Variants in EEPD1 observed in about 807,000 individuals in gnomAD.
EEPD1 encodes endonuclease/exonuclease/phosphatase family domain-containing protein 1.
Under a neutral mutation model 46.3 loss-of-function variants are expected in EEPD1, and 17 were observed. That is an observed-to-expected ratio of 0.37 (90% CI 0.25 to 0.55). The LOEUF (loss-of-function observed/expected upper bound fraction) is 0.55. Ranked by LOEUF, EEPD1 falls within the 20% of genes least tolerant of loss-of-function variation. The pLI is 0.83. For missense variants in EEPD1, 673 were observed against 745.6 expected (o/e 0.90, Z 1.13); for synonymous variants, 313 against 315.6 (o/e 0.99, Z 0.09).
chr7:36,242,712 C>T lies in EEPD1; in HGVS notation c.930+3676C>T, dbSNP rs569000230. 6.3e-5 allele frequency among the ~76,000 whole-genome samples: 9 copies of T among 143,846 alleles called. No homozygotes were observed. In the South Asian group the frequency reaches 9.1e-4, roughly 14 times the overall value. The allele number at this position is 143,846 out of a possible 152,430, so 94.4% of individuals were successfully genotyped here. ...CCAAGGTGGGTGGATCACCTGAGGT[C>T]GGGAGTTCGAGACCAGTCTGACCAA... is the stretch of plus-strand genomic sequence containing the variant. On this transcript the variant is annotated intron_variant, in intron 3 of 7. Coordinates refer to ENST00000242108, the MANE Select transcript of EEPD1 (RefSeq NM_030636.3).
chr7:36,293,745 C>T (rs145628362), intron 6 of EEPD1, among the ~76,000 whole-genome samples: 9,335 of 152,220 alleles, frequency 0.061, 509 homozygotes, highest in East Asian at 0.19. Flanking sequence ...GGACAGATCA[C>T]CTGAGGTCAG....
intron 2 of EEPD1, among the ~76,000 whole-genome samples, chr7:36,195,871 G>A (rs1785572500): frequency 6.6e-6 from 1 of 152,092 alleles, no homozygotes. Context: ...AATATATGTA[G>A]TCATGCCTTA....
At chr7:36,205,670 C>CGG in intron 2 of EEPD1, among the ~76,000 whole-genome samples, 1 of 152,188 alleles carries the variant, frequency 6.6e-6, no homozygotes, top group Admixed American at 6.5e-5. Context: ...TTTTTCCCCA[C>CGG]GTGAAATGGC....
chr7:36,186,129 C>T (rs986356581), intron 2 of EEPD1, among the ~76,000 whole-genome samples: 3 of 152,182 alleles, frequency 2.0e-5, no homozygotes, highest in African/African-American at 7.2e-5. Flanking sequence ...TGCATTCCCC[C>T]GGATCCAGAA....
At chr7:36,183,899 A>C (rs1360732586) in intron 2 of EEPD1, among the ~76,000 whole-genome samples, 1 of 123,072 alleles carries the variant, frequency 8.1e-6, no homozygotes, top group Non-Finnish European at 2.0e-5. Context: ...ATTTTTAAAA[A>C]AATGTGTGTT....
intron 2 of EEPD1, among the ~76,000 whole-genome samples, chr7:36,219,883 C>T (rs1786115010): frequency 7.1e-6 from 1 of 141,016 alleles, no homozygotes; most frequent in African/African-American, 2.6e-5. Flanking sequence ...ATATATAAAA[C>T]ATGAAAGATT....
intron 6 of EEPD1, among the ~76,000 whole-genome samples, chr7:36,292,369 CT>C (rs1407508634): frequency 7.4e-6 from 1 of 135,338 alleles, no homozygotes. Context: ...CTTTTCTTTT[CT>C]TTTGTTTTGT....
rs1308481216 is a variant in EEPD1 at position 36,299,883 on chromosome 7, GTCCCCACCTTGAGGCCTTGCAGAGGCGCC to G, written c.*680_*708del. The G allele has an allele frequency of 6.7e-6, 1 of 150,312 alleles. No individual in the cohort carries two copies. Among genetic ancestry groups the G allele is most frequent in the Admixed American group, 6.7e-5 (1 of 14,870 alleles). The allele number at this position is 150,312 out of a possible 1,614,324, so 9.3% of individuals were successfully genotyped here. On this transcript the variant is annotated 3_prime_UTR_variant, in exon 8 of 8. Transcript: ENST00000242108. ...GCTTCACTTCCCCTGCGCCTTTTAT[GTCCCCACCTTGAGGCCTTGCAGAGGCGCC>G]TCTCAAGGCCCCATCAGCTCGCCGG... is the stretch of plus-strand genomic sequence containing the variant.
chr7:36,299,240 A>G lies in EEPD1; in HGVS notation c.*34A>G, dbSNP rs1787579315. The G allele has an allele frequency of 6.2e-7, 1 of 1,601,132 alleles. No homozygotes were observed. Among genetic ancestry groups the G allele is most frequent in the East Asian group, 2.3e-5 (1 of 44,288 alleles). ...AATCCATGTGTCCACCCTGGGACCC[A>G]GGAGGGCACAGCCAAGGAATGAGCC... On this transcript the variant is annotated 3_prime_UTR_variant, in exon 8 of 8. Coordinates refer to ENST00000242108, the MANE Select transcript of EEPD1 (RefSeq NM_030636.3).
intron 2 of EEPD1, among the ~76,000 whole-genome samples, chr7:36,199,328 A>T (rs1785670818): frequency 6.6e-6 from 1 of 152,060 alleles, no homozygotes. Context: ...GGGAAGAGAG[A>T]TTTTAAATTT....
intron 2 of EEPD1, among the ~76,000 whole-genome samples, chr7:36,174,567 T>A (rs1397604702): frequency 6.6e-6 from 1 of 152,180 alleles, no homozygotes; most frequent in Non-Finnish European, 1.5e-5. Flanking sequence ...AGCTGCTGGA[T>A]GAGGAGGGGT....
At chr7:36,209,047 C>A (rs1185988864) in intron 2 of EEPD1, among the ~76,000 whole-genome samples, 1 of 152,200 alleles carries the variant, frequency 6.6e-6, no homozygotes, top group Non-Finnish European at 1.5e-5. Context: ...ACAAGTTGTG[C>A]AACCATTTCT....
chr7:36,156,954 C>G (rs1233560946), intron 2 of EEPD1, among the ~76,000 whole-genome samples: 2 of 150,752 alleles, frequency 1.3e-5, no homozygotes, highest in Admixed American at 1.3e-4. Context: ...ATGGATTCAA[C>G]CAACTGTAGA....
At chr7:36,175,743 C>G (rs1340953034) in intron 2 of EEPD1, among the ~76,000 whole-genome samples, 1 of 152,144 alleles carries the variant, frequency 6.6e-6, no homozygotes, top group African/African-American at 2.4e-5. Flanking sequence ...CTCTTAGGAG[C>G]AGAATCATTC....
intron 3 of EEPD1, among the ~76,000 whole-genome samples, chr7:36,247,019 G>A (rs867507605): frequency 2.0e-5 from 3 of 151,692 alleles, no homozygotes; most frequent in Admixed American, 6.6e-5. Flanking sequence ...CCAGCTACTC[G>A]GGAGGCTGAG....
intron 2 of EEPD1, among the ~76,000 whole-genome samples, chr7:36,155,946 T>C (rs1784817891): frequency 6.6e-6 from 1 of 152,226 alleles, no homozygotes; most frequent in South Asian, 2.1e-4. Flanking sequence ...TCTGTTAGCC[T>C]CGTCATAAAC....
chr7:36,226,090 C>CTA (rs1786228025), intron 2 of EEPD1, among the ~76,000 whole-genome samples: 1 of 152,076 alleles, frequency 6.6e-6, no homozygotes, highest in African/African-American at 2.4e-5. Context: ...TTACAATAAA[C>CTA]TATGTAATGG....
At chr7:36,218,246 T>C (rs1417420819) in intron 2 of EEPD1, among the ~76,000 whole-genome samples, 5 of 152,186 alleles carry the variant, frequency 3.3e-5, no homozygotes, top group Non-Finnish European at 5.9e-5. Context: ...CTTCCAAGAC[T>C]TCAGATGTGC....
At chr7:36,263,283 G>A (rs920723242) in intron 3 of EEPD1, among the ~76,000 whole-genome samples, 2 of 152,164 alleles carry the variant, frequency 1.3e-5, no homozygotes, top group Non-Finnish European at 2.9e-5. Flanking sequence ...AGTGGGCTGT[G>A]ATTGCACCAC....
Sources: gnomAD v4.1 joint callset for allele counts (sites outside exome capture counted in the v4.1 genomes callset) on GRCh38, gnomAD v4.1.1 for gene constraint, MANE v1.5 for transcripts, NCBI Gene and HGNC (gene_info 2026-07-23, HGNC 2026-07-21) for gene names.